PXDN: variants seen among roughly 807,000 people sequenced by gnomAD.
The protein encoded by PXDN is peroxidasin homolog.
In PXDN, 77 loss-of-function variants were observed where a neutral mutation model predicts 140.3. The observed-to-expected ratio is 0.55, with a 90% CI of 0.46 to 0.66. PXDN has a LOEUF of 0.66. Among genes scored for constraint, PXDN ranks in the 30% least tolerant of loss-of-function variants. The probability of loss-of-function intolerance (pLI) is 0.00; values close to 1 mark genes in which losing one functional copy is unlikely to be tolerated. For synonymous variants in PXDN, 911 were observed against 857.4 expected (o/e 1.06, Z -1.09); for missense variants, 1,838 against 2,039.5 (o/e 0.90, Z 1.90).
At chr2:1,706,572 T>C (rs13032200) in intron 1 of PXDN, among the ~76,000 whole-genome samples, 8,629 of 59,586 alleles carry the variant, frequency 0.14, 419 homozygotes, top group African/African-American at 0.24. Context: ...AATAATACAA[T>C]CTGAGAGCAC....
At chr2:1,657,559 G>A (rs1683175168) in intron 14 of PXDN, among the ~76,000 whole-genome samples, 1 of 147,304 alleles carries the variant, frequency 6.8e-6, no homozygotes, top group Non-Finnish European at 1.5e-5. Context: ...CAGACACCTG[G>A]CCCTCCTGCC....
Position 1,667,118 on chromosome 2 carries a change from C to T in PXDN, c.1019-632G>A, listed in dbSNP as rs147800049. On this transcript the variant is annotated intron_variant, in intron 9 of 22. Coordinates refer to ENST00000252804, the MANE Select transcript of PXDN (RefSeq NM_012293.3). Reference sequence around the variant, plus strand: ...GCACACTCTATTGCCCAGAAATGACCCTGCCAAACAAAAGCCAGCAGAAGA... The same window carrying T: ...GCACACTCTATTGCCCAGAAATGACTCTGCCAAACAAAAGCCAGCAGAAGA... Among the ~76,000 whole-genome samples the T allele has an allele frequency of 2.7e-3, 409 of 151,978 alleles. 6 individuals carry two copies. Among genetic ancestry groups the T allele is most frequent in the African/African-American group, 9.5e-3 (392 of 41,400 alleles).
chr2:1,668,933 G>A (rs1246538067), intron 9 of PXDN, among the ~76,000 whole-genome samples: 2 of 152,144 alleles, frequency 1.3e-5, no homozygotes, highest in East Asian at 3.8e-4. Flanking sequence ...ATTTGACCCA[G>A]CAATCCCATT....
At chr2:1,675,800 A>G (rs1016371485) in intron 8 of PXDN, among the ~76,000 whole-genome samples, 6 of 100,244 alleles carry the variant, frequency 6.0e-5, no homozygotes, top group Non-Finnish European at 1.1e-4. Flanking sequence ...TTTGAGCCCG[A>G]GTATCAAACA....
intron 9 of PXDN, among the ~76,000 whole-genome samples, chr2:1,668,389 T>C (rs1173869235): frequency 6.6e-6 from 1 of 152,142 alleles, no homozygotes; most frequent in Non-Finnish European, 1.5e-5. Flanking sequence ...GACACAGGCA[T>C]GGGCAAAGAC....
chr2:1,720,743 C>CAT (rs1685030798), intron 1 of PXDN, among the ~76,000 whole-genome samples: 2 of 151,988 alleles, frequency 1.3e-5, no homozygotes, highest in Admixed American at 6.5e-5. Flanking sequence ...CACACACACA[C>CAT]ACACACACAC....
rs759305338 is a variant in PXDN, at chr2:1,719,110, G to A, written c.200+25146C>T. On this transcript the variant is annotated intron_variant, in intron 1 of 22. Coordinates refer to ENST00000252804, the MANE Select transcript of PXDN (RefSeq NM_012293.3). ...CTGGCGCAGTCATGGCTCCTTAGAC[G>A]AGCGAGCCAGCCTGGGGCCCTGCGG... is the stretch of plus-strand genomic sequence containing the variant. Among the ~76,000 whole-genome samples, 4 of 152,320 alleles carry A rather than the reference G, an allele frequency of 2.6e-5. No individual in the cohort carries two copies. The East Asian group carries it at 5.8e-4, about 22-fold the overall frequency.
At position 1,649,551 on chromosome 2, in the gene PXDN, C is replaced by G. The variant is rs750777315; in HGVS notation, c.2229G>C (p.Thr743=). ...GCAGGTTGTTACAGGTGCCGTCGTG[C>G]GTCCGGTACTTCTGGTGGAAGCACA... The part of the protein sequence containing the change: ...SDMCFHQKYR[T]HDGTCNNLQH... Residue 743 remains threonine (T), a synonymous_variant, in exon 17 of 23, where the codon ACG becomes ACC. Coordinates refer to ENST00000252804, the MANE Select transcript of PXDN (RefSeq NM_012293.3). This position sits in a 1 kb window ranked among gnomAD's most constrained non-coding sequence, Gnocchi z 7.1. The G allele has an allele frequency of 6.2e-6, 10 of 1,614,016 alleles. No individual in the cohort carries two copies. Among genetic ancestry groups the G allele is most frequent in the South Asian group, 1.1e-5 (1 of 91,088 alleles).
chr2:1,674,225 TTA>T (rs1683643503), intron 8 of PXDN, among the ~76,000 whole-genome samples: 1 of 152,218 alleles, frequency 6.6e-6, no homozygotes, highest in South Asian at 2.1e-4. Flanking sequence ...TTTTTTTATT[TTA>T]GAGACAGAGT....
At chr2:1,717,768 C>A (rs1236962781) in intron 1 of PXDN, among the ~76,000 whole-genome samples, 2 of 151,416 alleles carry the variant, frequency 1.3e-5, no homozygotes, top group Non-Finnish European at 2.9e-5. Flanking sequence ...ACTACCCAAA[C>A]CTGCTCTACT....
At chr2:1,684,900 C>A (rs1684013264) in intron 4 of PXDN, among the ~76,000 whole-genome samples, 1 of 152,224 alleles carries the variant, frequency 6.6e-6, no homozygotes. Context: ...CTGGGGTGCT[C>A]TGCTGGGAGA....
chr2:1,663,065 C>G (rs796331080), intron 12 of PXDN, among the ~76,000 whole-genome samples: 1 of 152,150 alleles, frequency 6.6e-6, no homozygotes, highest in East Asian at 1.9e-4. Flanking sequence ...CTGATTCTAT[C>G]GGGAGGGATA....
At chr2:1,742,239 G>C (rs1685562885) in intron 1 of PXDN, among the ~76,000 whole-genome samples, 1 of 152,212 alleles carries the variant, frequency 6.6e-6, no homozygotes, top group Non-Finnish European at 1.5e-5. Context: ...CATTTCTCCA[G>C]TAAAGTGTTT....
intron 3 of PXDN, among the ~76,000 whole-genome samples, chr2:1,689,273 T>C (rs542373174): frequency 1.2e-4 from 19 of 152,348 alleles, no homozygotes; most frequent in Admixed American, 5.2e-4. Flanking sequence ...GAGTTGTTAC[T>C]ATACTTCTAC....
In PXDN at chr2:1,651,310, C is replaced by T. The variant is rs1245624230; in HGVS notation, c.2105-1635G>A. Among the ~76,000 whole-genome samples the T allele has an allele frequency of 6.6e-6, 1 of 152,164 alleles. No individual in the cohort carries two copies. The highest frequency in any genetic ancestry group is 2.4e-5 in the African/African-American group (1 of 41,442). On this transcript the variant is annotated intron_variant, in intron 16 of 22. Coordinates refer to ENST00000252804, the MANE Select transcript of PXDN (RefSeq NM_012293.3). The surrounding 1 kb of genome is among the most constrained non-coding windows in gnomAD (Gnocchi z 4.4). ...TGTTCACTTTTTCCGTGGCGTTGGCCATTGGTTCAGAGGCAGACCAGACCC... is the reference window on the plus strand; with the variant it reads ...TGTTCACTTTTTCCGTGGCGTTGGCTATTGGTTCAGAGGCAGACCAGACCC...
At chr2:1,720,106 G>A (rs140715331) in intron 1 of PXDN, among the ~76,000 whole-genome samples, 9 of 37,138 alleles carry the variant, frequency 2.4e-4, no homozygotes, top group East Asian at 0.017. Context: ...AGAGAGAGAG[G>A]GAGGGAGGGA....
Position 1,653,746 on chromosome 2 carries a change from C to T in PXDN, c.1986G>A (p.Arg662=), listed in dbSNP as rs373285964. 1.3e-5 allele frequency: 20 copies of T among 1,592,600 alleles called. No individual in the cohort carries two copies. The African/African-American group carries it at 2.5e-4, about 20-fold the overall frequency. The change falls in exon 16 of 23, where the codon CGG becomes CGA. Residue 662 remains arginine, a synonymous_variant. Coordinates refer to ENST00000252804, the MANE Select transcript of PXDN (RefSeq NM_012293.3). Reference sequence around the variant, plus strand: ...CAACTGTGTAAGGATCCCTCGGATACCGGAACAAGGCCAGCAAATCATTTG... The same window carrying T: ...CAACTGTGTAAGGATCCCTCGGATATCGGAACAAGGCCAGCAAATCATTTG... The part of the protein sequence containing the change: ...RSPNDLLALF[R]YPRDPYTVEQ...
intron 1 of PXDN, among the ~76,000 whole-genome samples, chr2:1,711,367 C>T (rs1684772206): frequency 8.4e-6 from 1 of 118,380 alleles, no homozygotes; most frequent in Admixed American, 8.7e-5. Context: ...ACCCGCTCCA[C>T]CAGCATCCAC....
intron 12 of PXDN, among the ~76,000 whole-genome samples, 185 bp from the exon 13 acceptor site, chr2:1,662,369 C>T (rs1237439678): frequency 6.6e-6 from 1 of 152,214 alleles, no homozygotes; most frequent in African/African-American, 2.4e-5. Context: ...CCTGAAAGAT[C>T]CCAGGGAAGA....
Sources: gnomAD v4.1 joint callset for allele counts (sites outside exome capture counted in the v4.1 genomes callset) on GRCh38, gnomAD v4.1.1 for gene constraint, Gnocchi (gnomAD v3.1) non-coding constraint, MANE v1.5 for transcripts, NCBI Gene and HGNC (gene_info 2026-07-23, HGNC 2026-07-21) for gene names.